The following MAGI1 variants were observed in gnomAD, a reference collection of about 807,000 sequenced individuals.
MAGI1 encodes membrane associated guanylate kinase, WW and PDZ domain containing 1.
Under a neutral mutation model 139.9 loss-of-function variants are expected in MAGI1, and 58 were observed. The ratio of observed to expected loss-of-function variants is 0.41; its 90% CI spans 0.34 to 0.52. The LOEUF (loss-of-function observed/expected upper bound fraction) is 0.52, where lower values mean the gene tolerates loss of function less well. MAGI1 is among the 20% of genes least tolerant of loss of function. The pLI, the probability that MAGI1 is intolerant of heterozygous loss-of-function variation, is 0.12. For missense variants in MAGI1, 1,874 were observed against 1,901.6 expected, an observed-to-expected ratio of 0.99 and a Z score of 0.27; for synonymous variants, 812 against 737.9, an observed-to-expected ratio of 1.10 and a Z score of -1.63.
chr3:65,781,945 G>A (rs2038968971), intron 1 of MAGI1, among the ~76,000 whole-genome samples: 1 of 152,176 alleles, frequency 6.6e-6, no homozygotes, highest in Non-Finnish European at 1.5e-5. Flanking sequence ...AGACTCGCTG[G>A]TAAACAGAGG....
chr3:65,998,414 G>T (rs1310069387), intron 1 of MAGI1, among the ~76,000 whole-genome samples: 1 of 152,112 alleles, frequency 6.6e-6, no homozygotes, highest in Non-Finnish European at 1.5e-5. Context: ...GATACAGCAA[G>T]CTCTCAATAA....
At chr3:65,600,759 C>T (rs1041662476) in intron 2 of MAGI1, among the ~76,000 whole-genome samples, 4 of 152,230 alleles carry the variant, frequency 2.6e-5, no homozygotes, top group East Asian at 1.9e-4. Context: ...GAGAAAAAGG[C>T]CAAGAGTTTC....
At chr3:65,383,227 A>G (rs542603255) in intron 15 of MAGI1, among the ~76,000 whole-genome samples, 1 of 152,314 alleles carries the variant, frequency 6.6e-6, no homozygotes, top group East Asian at 1.9e-4. Flanking sequence ...CCACTGTGAT[A>G]TTAGGTGATG....
chr3:65,384,807 G>C (rs1943322608), intron 14 of MAGI1, among the ~76,000 whole-genome samples: 1 of 149,092 alleles, frequency 6.7e-6, no homozygotes, highest in African/African-American at 2.4e-5. Flanking sequence ...GTGTGTGTGT[G>C]TTACACACAA....
chr3:65,789,512 C>T (rs1228047768), intron 1 of MAGI1, among the ~76,000 whole-genome samples: 5 of 152,184 alleles, frequency 3.3e-5, no homozygotes, highest in Non-Finnish European at 1.5e-5. Context: ...ATCATTTAAT[C>T]CTTTAGCCAA....
rs79991687 is a variant in MAGI1 at position 65,750,444 on chromosome 3, T to C, written c.314-128356A>G. Reference sequence around the variant, plus strand: ...TCAAATTAACAAGCTAGATGAACTGTAGAATGAGTTCACAAAGTTTACAAA... The same window carrying C: ...TCAAATTAACAAGCTAGATGAACTGCAGAATGAGTTCACAAAGTTTACAAA... On this transcript the variant is annotated intron_variant, in intron 1 of 22. Transcript: ENST00000402939. Among the ~76,000 whole-genome samples, 1,116 of 152,310 alleles carry C rather than the reference T, an allele frequency of 7.3e-3. 9 individuals are homozygous for C. Among genetic ancestry groups the C allele is most frequent in the African/African-American group, 0.026 (1,060 of 41,562 alleles).
intron 1 of MAGI1, among the ~76,000 whole-genome samples, chr3:65,648,962 C>T (rs965660398): frequency 6.6e-6 from 1 of 152,202 alleles, no homozygotes; most frequent in East Asian, 1.9e-4. Flanking sequence ...GAAAGGACAC[C>T]CTTTTCAACA....
At chr3:65,407,784 T>C (rs1945471630) in intron 12 of MAGI1, among the ~76,000 whole-genome samples, 1 of 152,214 alleles carries the variant, frequency 6.6e-6, no homozygotes, top group African/African-American at 2.4e-5. Flanking sequence ...CAAAGATTGC[T>C]GGATTTTACA....
At chr3:65,931,521 C>T (rs966263092) in intron 1 of MAGI1, among the ~76,000 whole-genome samples, 10 of 152,122 alleles carry the variant, frequency 6.6e-5, no homozygotes, top group Non-Finnish European at 1.3e-4. Context: ...CAAAAATTAG[C>T]CAGGTGTGGT....
At chr3:65,977,496 A>T (rs886899074) in intron 1 of MAGI1, among the ~76,000 whole-genome samples, 6 of 152,174 alleles carry the variant, frequency 3.9e-5, no homozygotes, top group African/African-American at 1.2e-4. Flanking sequence ...GGATCACCTG[A>T]GGCCACAAGT....
chr3:65,448,997 A>G (rs1948849950), intron 6 of MAGI1, among the ~76,000 whole-genome samples: 1 of 151,968 alleles, frequency 6.6e-6, no homozygotes. Context: ...CTCAGTGCCC[A>G]GTGTAGCCTT....
At chr3:65,578,884 A>G (rs889956574) in intron 2 of MAGI1, among the ~76,000 whole-genome samples, 15 of 151,860 alleles carry the variant, frequency 9.9e-5, no homozygotes, top group Non-Finnish European at 1.9e-4. Context: ...TCGCGCCACT[A>G]CAATCCAGCC....
intron 12 of MAGI1, chr3:65,401,983 A>G: frequency 1.3e-6 from 1 of 789,840 alleles, no homozygotes; most frequent in African/African-American, 1.9e-5. Context: ...GGAAGAGGAA[A>G]TGCTTTCTTT....
chr3:65,879,452 A>G (rs901898405), intron 1 of MAGI1, among the ~76,000 whole-genome samples: 3 of 152,090 alleles, frequency 2.0e-5, no homozygotes, highest in Non-Finnish European at 2.9e-5. Flanking sequence ...CTACCTTATG[A>G]TCATGTTATT....
intron 1 of MAGI1, among the ~76,000 whole-genome samples, chr3:65,651,600 C>T (rs2085584848): frequency 6.6e-6 from 1 of 152,122 alleles, no homozygotes; most frequent in Admixed American, 6.6e-5. Flanking sequence ...ACAATGAAGT[C>T]AATTAACTGT....
intron 2 of MAGI1, among the ~76,000 whole-genome samples, chr3:65,567,080 T>C (rs1210862484): frequency 2.0e-5 from 3 of 150,754 alleles, no homozygotes; most frequent in Non-Finnish European, 4.4e-5. Context: ...TTAAGTGGCA[T>C]TGCTTCTGAA....
chr3:65,434,880 A>C (rs1394722385), intron 10 of MAGI1, among the ~76,000 whole-genome samples: 7 of 152,164 alleles, frequency 4.6e-5, no homozygotes, highest in Admixed American at 4.6e-4. Flanking sequence ...GTGAGCCTGA[A>C]CCTTCAGACA....
At chr3:65,482,275 C>T (rs1250319374) in intron 3 of MAGI1, among the ~76,000 whole-genome samples, 4 of 152,188 alleles carry the variant, frequency 2.6e-5, no homozygotes, top group Admixed American at 6.5e-5. Flanking sequence ...CAAAATGAGA[C>T]GGTCTGCCTT....
chr3:65,957,522 AAAAAAAAAAAAAG>A (rs2064188798), intron 1 of MAGI1, among the ~76,000 whole-genome samples: 1 of 80,760 alleles, frequency 1.2e-5, no homozygotes, highest in Admixed American at 1.1e-4. Context: ...CTTCATCTCA[AAAAAAAAAAAAAG>A]AAAAAGAAAA....
Sources: allele counts gnomAD v4.1 joint callset (sites outside exome capture counted in the v4.1 genomes callset), GRCh38; gene constraint gnomAD v4.1.1; transcripts MANE v1.5; gene names NCBI Gene and HGNC (gene_info 2026-07-23, HGNC 2026-07-21).